EXOC4: variants seen among roughly 807,000 people sequenced by gnomAD.
The protein encoded by EXOC4 is SEC8-like 1.
A neutral mutation model predicts 107.2 loss-of-function variants in EXOC4; 71 were observed. The ratio of observed to expected loss-of-function variants is 0.66; its 90% CI spans 0.55 to 0.81. EXOC4 has a LOEUF of 0.81. EXOC4 is among the 30% of genes least tolerant of loss of function. EXOC4 has a pLI of 0.00. For synonymous variants in EXOC4, 456 were observed against 441.2 expected (o/e 1.03, Z -0.42); for missense variants, 1,108 against 1,189.6 (o/e 0.93, Z 1.01).
At chr7:133,547,892 A>T (rs1304112976) in intron 9 of EXOC4, among the ~76,000 whole-genome samples, 2 of 151,966 alleles carry the variant, frequency 1.3e-5, no homozygotes, top group Non-Finnish European at 2.9e-5. Context: ...TGATATTTTG[A>T]CCTCTTTCCA....
intron 9 of EXOC4, among the ~76,000 whole-genome samples, chr7:133,599,247 C>T (rs1031064967): frequency 6.6e-6 from 1 of 152,090 alleles, no homozygotes; most frequent in African/African-American, 2.4e-5. Flanking sequence ...GTTATAAAGC[C>T]TCATCTCTTA....
intron 7 of EXOC4, among the ~76,000 whole-genome samples, chr7:133,443,160 G>A (rs554416341): frequency 1.9e-4 from 29 of 152,258 alleles, no homozygotes; most frequent in African/African-American, 3.1e-4. Flanking sequence ...ATCTTCTTCC[G>A]TAGTCGCATT....
chr7:133,599,159 T>G (rs1801749698), intron 9 of EXOC4, among the ~76,000 whole-genome samples: 3 of 152,166 alleles, frequency 2.0e-5, no homozygotes, highest in Admixed American at 6.5e-5. Flanking sequence ...ACTTGTTTCA[T>G]TTTACCTTTT....
intron 9 of EXOC4, among the ~76,000 whole-genome samples, chr7:133,482,705 T>C (rs1799184965): frequency 6.6e-6 from 1 of 152,124 alleles, no homozygotes; most frequent in African/African-American, 2.4e-5. Flanking sequence ...CACTCCCTAC[T>C]CCATGAGGTG....
chr7:133,253,278 G>A, intron 1 of EXOC4, 91 bp downstream of exon 1: 3 of 1,355,510 alleles, frequency 2.2e-6, no homozygotes, highest in South Asian at 2.8e-5. Context: ...GTCCCACCCT[G>A]CTCTCCCCTT....
chr7:133,312,910 A>G (rs1794906821), intron 4 of EXOC4, among the ~76,000 whole-genome samples: 2 of 152,124 alleles, frequency 1.3e-5, no homozygotes, highest in African/African-American at 2.4e-5. Context: ...TTGTTTAAAA[A>G]TAATTCTTTT....
chr7:133,919,471 A>T (rs963862726), intron 13 of EXOC4, among the ~76,000 whole-genome samples: 1 of 152,180 alleles, frequency 6.6e-6, no homozygotes, highest in Admixed American at 6.5e-5. Flanking sequence ...ATCCACCATT[A>T]TAGTATTATG....
In EXOC4 at chr7:133,390,246, G is replaced by A. The variant is rs866343518; in HGVS notation, c.1182+15244G>A. ...GAGGAGCACTTTCCTTAAGTAGTTC[G>A]TCAGCTTAATCGGCTTTCTATAGTT... On this transcript the variant is annotated intron_variant, in intron 7 of 17. Coordinates refer to ENST00000253861, the MANE Select transcript of EXOC4 (RefSeq NM_021807.4). Among the ~76,000 whole-genome samples, 66 of 152,304 alleles carry A rather than the reference G, an allele frequency of 4.3e-4. 1 individual carries two copies. The highest frequency in any genetic ancestry group is 1.4e-3 in the African/African-American group (57 of 41,576).
intron 7 of EXOC4, among the ~76,000 whole-genome samples, chr7:133,407,908 C>G (rs1372941796): frequency 6.6e-6 from 1 of 152,038 alleles, no homozygotes; most frequent in African/African-American, 2.4e-5. Context: ...AATTATTTTT[C>G]ACTTTTAGAT....
intron 14 of EXOC4, among the ~76,000 whole-genome samples, chr7:133,950,535 C>G (rs1186965465): frequency 6.6e-6 from 1 of 152,216 alleles, no homozygotes; most frequent in Non-Finnish European, 1.5e-5. Flanking sequence ...GTCTGCTCCT[C>G]TGTCCAAGAG....
intron 11 of EXOC4, among the ~76,000 whole-genome samples, chr7:133,858,707 G>A (rs1798471186): frequency 1.3e-5 from 2 of 152,174 alleles, no homozygotes; most frequent in Admixed American, 1.3e-4. Flanking sequence ...ATTCGGAAAT[G>A]GGATGGTGTT....
At chr7:133,377,184 T>C (rs1345521091) in intron 7 of EXOC4, among the ~76,000 whole-genome samples, 1 of 152,050 alleles carries the variant, frequency 6.6e-6, no homozygotes, top group African/African-American at 2.4e-5. Flanking sequence ...AAACCCTGTC[T>C]CTACTAAAAA....
At chr7:133,467,023 A>C (rs1798746031) in intron 7 of EXOC4, among the ~76,000 whole-genome samples, 1 of 152,164 alleles carries the variant, frequency 6.6e-6, no homozygotes, top group Non-Finnish European at 1.5e-5. Context: ...CAAATTTATT[A>C]ATTTATAGAT....
intron 10 of EXOC4, among the ~76,000 whole-genome samples, chr7:133,729,917 G>A (rs1051784776): frequency 1.3e-5 from 2 of 151,684 alleles, no homozygotes; most frequent in East Asian, 1.9e-4. Context: ...AAAGGTATAC[G>A]ATACATTAAA....
At chr7:134,068,331 G>A (rs375419368), downstream of EXOC4, among the ~76,000 whole-genome samples, 1 of 152,104 alleles carries the variant, frequency 6.6e-6, no homozygotes, top group Admixed American at 6.6e-5. Flanking sequence ...GAATCATGGG[G>A]GTGAGTTTTT....
At chr7:133,716,099 C>T (rs1794992935) in intron 10 of EXOC4, among the ~76,000 whole-genome samples, 1 of 152,184 alleles carries the variant, frequency 6.6e-6, no homozygotes, top group South Asian at 2.1e-4. Flanking sequence ...AGAGTACATG[C>T]TACAACACTA....
chr7:133,987,402 A>C (rs894408153), intron 14 of EXOC4, among the ~76,000 whole-genome samples: 1 of 151,716 alleles, frequency 6.6e-6, no homozygotes, highest in South Asian at 2.1e-4. Flanking sequence ...AGAAAAAGAG[A>C]GAGAAAGAAA....
chr7:133,477,552 A>G (rs984944419), intron 8 of EXOC4, among the ~76,000 whole-genome samples: 3 of 152,178 alleles, frequency 2.0e-5, no homozygotes, highest in Admixed American at 6.5e-5. Flanking sequence ...TTATTTACCT[A>G]TTGAAGGACA....
intron 12 of EXOC4, among the ~76,000 whole-genome samples, chr7:133,904,483 T>G (rs1235912947): frequency 1.3e-5 from 2 of 152,242 alleles, no homozygotes; most frequent in African/African-American, 4.8e-5. Flanking sequence ...CTTTGGTTTT[T>G]GACATATTCT....
Sources: gnomAD v4.1 joint callset for allele counts (sites outside exome capture counted in the v4.1 genomes callset) on GRCh38, gnomAD v4.1.1 for gene constraint, MANE v1.5 for transcripts, NCBI Gene and HGNC (gene_info 2026-07-23, HGNC 2026-07-21) for gene names.